Variants in R3HDM1 observed in about 807,000 individuals in gnomAD.
R3HDM1 encodes R3H domain-containing protein 1.
A neutral mutation model predicts 141.1 loss-of-function variants in R3HDM1; 46 were observed. That is an observed-to-expected ratio of 0.33 (90% CI 0.26 to 0.42). The LOEUF is 0.42. Among genes scored for constraint, R3HDM1 ranks in the 10% least tolerant of loss-of-function variants. The pLI is 1.00. For synonymous variants in R3HDM1, 435 were observed against 472.9 expected, an observed-to-expected ratio of 0.92 and a Z score of 1.04; for missense variants, 1,184 against 1,368.3, an observed-to-expected ratio of 0.87 and a Z score of 2.12.
intron 1 of R3HDM1, among the ~76,000 whole-genome samples, chr2:135,544,736 A>G (rs1254480303): frequency 6.6e-6 from 1 of 152,110 alleles, no homozygotes; most frequent in African/African-American, 2.4e-5. Context: ...TGAGGCGGGC[A>G]GAATACTTGA....
At chr2:135,534,490 A>G (rs555934908) in intron 1 of R3HDM1, among the ~76,000 whole-genome samples, 1 of 152,308 alleles carries the variant, frequency 6.6e-6, no homozygotes, top group East Asian at 1.9e-4. Flanking sequence ...CTTCAGAGGC[A>G]TTTCTGAAAA....
chr2:135,546,883 G>T (rs1014232579), intron 1 of R3HDM1, among the ~76,000 whole-genome samples: 1 of 152,108 alleles, frequency 6.6e-6, no homozygotes, highest in Non-Finnish European at 1.5e-5. Flanking sequence ...TGTTGGTCAG[G>T]CTGGTCTCGA....
intron 21 of R3HDM1, among the ~76,000 whole-genome samples, chr2:135,696,706 G>A (rs1029300355): frequency 6.6e-6 from 1 of 152,064 alleles, no homozygotes; most frequent in Non-Finnish European, 1.5e-5. Context: ...TACCCTGCTG[G>A]TGTCGAACTT....
intron 1 of R3HDM1, among the ~76,000 whole-genome samples, chr2:135,546,483 A>G (rs1559096522): frequency 6.6e-6 from 1 of 152,182 alleles, no homozygotes; most frequent in Non-Finnish European, 1.5e-5. Context: ...CAATAATTCT[A>G]TAAATGTCCT....
intron 1 of R3HDM1, among the ~76,000 whole-genome samples, chr2:135,573,979 A>G (rs1472780077): frequency 1.3e-5 from 2 of 152,204 alleles, no homozygotes; most frequent in African/African-American, 4.8e-5. Context: ...AGGAAAACAA[A>G]GTAAACCTAA....
chr2:135,617,850 T>A (rs1387827843), intron 5 of R3HDM1, among the ~76,000 whole-genome samples: 1 of 152,234 alleles, frequency 6.6e-6, no homozygotes, highest in Non-Finnish European at 1.5e-5. Flanking sequence ...TGTGGTTATT[T>A]AAGAAGCCAT....
At chr2:135,691,524 T>A (rs911682960) in intron 21 of R3HDM1, among the ~76,000 whole-genome samples, 7 of 151,886 alleles carry the variant, frequency 4.6e-5, no homozygotes, top group Non-Finnish European at 1.0e-4. Flanking sequence ...TGAGGTGGGA[T>A]GAGCCCAGGA....
rs1228496783 is a variant in R3HDM1, at chr2:135,550,214, A to G, written c.-250+18581A>G. 5 of 984,888 alleles carry G rather than the reference A, an allele frequency of 5.1e-6. No individual in the cohort carries two copies. The African/African-American group carries it at 7.0e-5, about 14-fold the overall frequency. The allele number at this position is 984,888 out of a possible 1,614,324, so 61.0% of individuals were successfully genotyped here. ...GAGTGTTGATTTTCTTTTTTAATGA[A>G]TGCTGATTTTGAAAATTAAAGCAAA... On this transcript the variant is annotated intron_variant, in intron 1 of 26. Transcript: ENST00000683871.
chr2:135,632,431 G>A (rs1313962614), intron 9 of R3HDM1, among the ~76,000 whole-genome samples: 1 of 151,942 alleles, frequency 6.6e-6, no homozygotes, highest in African/African-American at 2.4e-5. Context: ...AAAAGCCTCT[G>A]AATTTACTCC....
chr2:135,692,019 TCTC>T (rs1416528653), intron 21 of R3HDM1, among the ~76,000 whole-genome samples: 1 of 151,912 alleles, frequency 6.6e-6, no homozygotes, highest in Non-Finnish European at 1.5e-5. Flanking sequence ...TTCAAGCAAT[TCTC>T]CTGCCTCAGA....
chr2:135,665,929 C>T (rs1425968100), intron 19 of R3HDM1, among the ~76,000 whole-genome samples: 6 of 151,950 alleles, frequency 3.9e-5, no homozygotes, highest in Admixed American at 3.3e-4. Context: ...TTTTTCCAAA[C>T]GATGATGTTG....
At chr2:135,570,025 C>T (rs1027474183) in intron 1 of R3HDM1, among the ~76,000 whole-genome samples, 1 of 152,120 alleles carries the variant, frequency 6.6e-6, no homozygotes, top group Admixed American at 6.6e-5. Flanking sequence ...CATGCCCGGC[C>T]AGTAAGCTCT....
At chr2:135,647,989 C>A (rs1240567909) in intron 16 of R3HDM1, among the ~76,000 whole-genome samples, 2 of 152,110 alleles carry the variant, frequency 1.3e-5, no homozygotes, top group East Asian at 3.8e-4. Flanking sequence ...TTTCCTTAAT[C>A]CCCCAGCTGA....
chr2:135,687,595 A>G (rs1479046046), intron 21 of R3HDM1, among the ~76,000 whole-genome samples: 4 of 150,436 alleles, frequency 2.7e-5, no homozygotes, highest in African/African-American at 9.7e-5. Flanking sequence ...ATAGAGAATC[A>G]TTAGTTTATC....
chr2:135,576,809 A>G (rs559331620), intron 1 of R3HDM1, among the ~76,000 whole-genome samples: 1 of 152,340 alleles, frequency 6.6e-6, no homozygotes, highest in South Asian at 2.1e-4. Flanking sequence ...GCAAGTCAAT[A>G]AAGTGTGAAA....
At chr2:135,542,158 A>G (rs1036162208) in intron 1 of R3HDM1, among the ~76,000 whole-genome samples, 4 of 152,160 alleles carry the variant, frequency 2.6e-5, no homozygotes, top group African/African-American at 9.7e-5. Context: ...TTCTACTTGT[A>G]TTGTTAAGTT....
intron 24 of R3HDM1, among the ~76,000 whole-genome samples, chr2:135,719,846 CTT>C (rs1336561501): frequency 9.7e-5 from 14 of 144,446 alleles, no homozygotes; most frequent in African/African-American, 3.0e-4. Context: ...ATTTTCTTTT[CTT>C]TTTTTTTTTT....
intron 1 of R3HDM1, among the ~76,000 whole-genome samples, chr2:135,585,676 G>T (rs1707737598): frequency 6.6e-6 from 1 of 152,042 alleles, no homozygotes; most frequent in Non-Finnish European, 1.5e-5. Context: ...TTTAAATTTG[G>T]TTTTGGTTGA....
At chr2:135,577,265 AAC>A (rs1386793755) in intron 1 of R3HDM1, 55 of 957,498 alleles carry the variant, frequency 5.7e-5, no homozygotes, top group Non-Finnish European at 6.7e-5. Flanking sequence ...AAAAGTCAAA[AAC>A]ACAAGCTGAC....
Sources: gnomAD v4.1 joint callset for allele counts (sites outside exome capture counted in the v4.1 genomes callset) on GRCh38, gnomAD v4.1.1 for gene constraint, MANE v1.5 for transcripts, NCBI Gene and HGNC (gene_info 2026-07-23, HGNC 2026-07-21) for gene names.